Variants in KIF21A observed in about 807,000 individuals in gnomAD.
KIF21A encodes the protein kinesin family member 21A, also known as kinesin-like protein KIF21A.
Under a neutral mutation model 202.9 loss-of-function variants are expected in KIF21A, and 114 were observed. The observed-to-expected ratio is 0.56, with a 90% CI of 0.48 to 0.66. KIF21A has a LOEUF of 0.66. Ranked by LOEUF, KIF21A falls within the 30% of genes least tolerant of loss-of-function variation. The pLI, the probability that KIF21A is intolerant of heterozygous loss-of-function variation, is 0.00. For synonymous variants in KIF21A, 667 were observed against 670.8 expected, an observed-to-expected ratio of 0.99 and a Z score of 0.09; for missense variants, 1,677 against 1,994.9, an observed-to-expected ratio of 0.84 and a Z score of 3.04.
chr12:39,363,938 A>C (rs1949425540), intron 6 of KIF21A, among the ~76,000 whole-genome samples: 2 of 152,320 alleles, frequency 1.3e-5, no homozygotes, highest in South Asian at 4.1e-4. Flanking sequence ...GAATAGCTTG[A>C]ACCTGGGAGG....
intron 37 of KIF21A, among the ~76,000 whole-genome samples, chr12:39,299,806 A>G (rs1353995488): frequency 6.6e-6 from 1 of 152,172 alleles, no homozygotes; most frequent in East Asian, 1.9e-4. Context: ...TTGTGGGAAC[A>G]TGGATGGAGC....
At chr12:39,313,584 G>A (rs1592083275) in intron 31 of KIF21A, among the ~76,000 whole-genome samples, 2 of 151,808 alleles carry the variant, frequency 1.3e-5, no homozygotes, top group African/African-American at 4.8e-5. Flanking sequence ...CAAGGTCACT[G>A]CTGATCTGGA....
At chr12:39,421,715 T>A (rs866164927) in intron 1 of KIF21A, among the ~76,000 whole-genome samples, 222 of 123,200 alleles carry the variant, frequency 1.8e-3, no homozygotes, top group African/African-American at 6.4e-3. Flanking sequence ...TAAATAAATA[T>A]ATATAATTTA....
chr12:39,322,688 T>C lies in KIF21A; in HGVS notation c.3651A>G (p.Leu1217=), dbSNP rs750676600. 2 of 1,613,996 alleles carry C rather than the reference T, an allele frequency of 1.2e-6. No homozygotes were observed. The highest frequency in any genetic ancestry group is 1.3e-5 in the African/African-American group (1 of 74,996). Residue 1217 remains leucine, a synonymous_variant, in exon 27 of 38, where the codon TTA becomes TTG. Coordinates refer to ENST00000361418, the MANE Select transcript of KIF21A (RefSeq NM_001173464.2). ...REKELSPPPG[L]PSKIGSISRQ... is the part of the protein sequence containing the mutation. ...CTTACATGCTGCCTATCTTAGAAGG[T>C]AAGCCAGGTGGGGGAGAGAGCTCTT...
At chr12:39,316,631 G>A (rs967027458) in intron 29 of KIF21A, among the ~76,000 whole-genome samples, 3 of 152,038 alleles carry the variant, frequency 2.0e-5, no homozygotes, top group East Asian at 1.9e-4. Flanking sequence ...AAATCTATTC[G>A]ACTGTACAAC....
At chr12:39,431,593 TGA>T (rs975280658) in intron 1 of KIF21A, among the ~76,000 whole-genome samples, 22 of 152,328 alleles carry the variant, frequency 1.4e-4, no homozygotes, top group African/African-American at 4.8e-4. Flanking sequence ...CAGGAAAGGC[TGA>T]GTTTGTCCAC....
At chr12:39,309,853 C>A (rs1477436218) in intron 32 of KIF21A, 87 bp from the exon 33 acceptor site, 3 of 1,121,566 alleles carry the variant, frequency 2.7e-6, no homozygotes, top group African/African-American at 1.6e-5. Flanking sequence ...TAAATAATTT[C>A]TCTTCTATGG....
intron 26 of KIF21A, among the ~76,000 whole-genome samples, chr12:39,323,459 C>T (rs1945510309): frequency 6.6e-6 from 1 of 152,054 alleles, no homozygotes; most frequent in Non-Finnish European, 1.5e-5. Context: ...TTATTGTAAG[C>T]CTCTTCCCAT....
At chr12:39,385,022 T>C (rs1052556283) in intron 1 of KIF21A, among the ~76,000 whole-genome samples, 13 of 152,196 alleles carry the variant, frequency 8.5e-5, no homozygotes, top group African/African-American at 3.1e-4. Context: ...TGGTCTCATA[T>C]AATGTAATCA....
Position 39,294,448 on chromosome 12 carries a change from C to T in KIF21A, c.5001G>A (p.Leu1667=). The change falls in exon 38 of 38, where the codon CTG becomes CTA. Residue 1667 remains leucine (L), a synonymous_variant. Coordinates refer to ENST00000361418, the MANE Select transcript of KIF21A (RefSeq NM_001173464.2). ...QDGQISDTGD[L]GEDIASN ...TTTAATTACTGGCAATATCTTCCCC[C>T]AGATCTCCTGTGTCAGAGATCTGAC... 6.2e-7 allele frequency: 1 copy of T among 1,613,584 alleles called. No homozygotes were observed. Among genetic ancestry groups the T allele is most frequent in the South Asian group, 1.1e-5 (1 of 91,070 alleles).
intron 13 of KIF21A, among the ~76,000 whole-genome samples, chr12:39,341,824 T>G (rs1947466947): frequency 6.6e-6 from 1 of 152,154 alleles, no homozygotes; most frequent in Non-Finnish European, 1.5e-5. Flanking sequence ...TACCCCTGAC[T>G]CCCCAACACA....
rs113552537 is a variant in KIF21A, at chr12:39,411,196, T to C, written c.44+31731A>G. Among the ~76,000 whole-genome samples, 1,031 of 152,354 alleles carry C rather than the reference T, an allele frequency of 6.8e-3. 14 individuals are homozygous for C. The highest frequency in any genetic ancestry group is 0.024 in the African/African-American group (985 of 41,576). Reference sequence around the variant, plus strand: ...AACCACCTCTTATCCTAAAGTCTTATTTAATATTTTATGTGGGTAAACACT... The same window carrying C: ...AACCACCTCTTATCCTAAAGTCTTACTTAATATTTTATGTGGGTAAACACT... On this transcript the variant is annotated intron_variant, in intron 1 of 37. Transcript: ENST00000361418.
At chr12:39,326,601 C>G (rs1030459723) in intron 24 of KIF21A, among the ~76,000 whole-genome samples, 1 of 152,136 alleles carries the variant, frequency 6.6e-6, no homozygotes, top group Non-Finnish European at 1.5e-5. Flanking sequence ...GAGATGGGTA[C>G]ATATGAATAC....
chr12:39,321,652 T>A (rs1754661460), intron 27 of KIF21A: 2 of 152,228 alleles, frequency 1.3e-5, no homozygotes, highest in Admixed American at 6.5e-5. Flanking sequence ...GATGGGATAC[T>A]GAATGGAAAA....
chr12:39,362,110 CTT>C (rs1012598074), intron 7 of KIF21A, among the ~76,000 whole-genome samples: 12 of 152,294 alleles, frequency 7.9e-5, no homozygotes, highest in African/African-American at 2.9e-4. Flanking sequence ...CTCACTCCCT[CTT>C]TGCCTTTTGT....
chr12:39,402,220 A>G (rs1174606061), intron 1 of KIF21A, among the ~76,000 whole-genome samples: 1 of 152,206 alleles, frequency 6.6e-6, no homozygotes, highest in Non-Finnish European at 1.5e-5. Context: ...ATATCTTCTA[A>G]ACAGATAACA....
chr12:39,381,306 CAAAAAAA>C lies in KIF21A; in HGVS notation c.45-11052_45-11046del, dbSNP rs542073175. Among the ~76,000 whole-genome samples, 13 of 64,912 alleles carry C rather than the reference CAAAAAAA, an allele frequency of 2.0e-4. 1 individual carries two copies. Among genetic ancestry groups the C allele is most frequent in the African/African-American group, 6.1e-4 (12 of 19,652 alleles). The allele number at this position is 64,912 out of a possible 152,430, so 42.6% of individuals were successfully genotyped here. A position where few individuals can be genotyped will look rare whatever the true frequency, so the allele number is the denominator to read the frequency against. On this transcript the variant is annotated intron_variant, in intron 1 of 37. Coordinates refer to ENST00000361418, the MANE Select transcript of KIF21A (RefSeq NM_001173464.2). Reference sequence around the variant, plus strand: ...TGGGCAACTGAGCGAGACTCTGTCTCAAAAAAAAAAAAAAAAAAACTATTTCATTATG... The same window carrying C: ...TGGGCAACTGAGCGAGACTCTGTCTCAAAAAAAAAAAACTATTTCATTATG...
At chr12:39,301,428 A>T in intron 37 of KIF21A, 52 bp downstream of exon 37, 2 of 1,322,696 alleles carry the variant, frequency 1.5e-6, no homozygotes, top group Non-Finnish European at 2.2e-6. Context: ...CATATTTATT[A>T]AATCTGAACA....
chr12:39,314,423 C>A (rs1944317046), intron 31 of KIF21A, among the ~76,000 whole-genome samples: 1 of 151,676 alleles, frequency 6.6e-6, no homozygotes, highest in African/African-American at 2.4e-5. Flanking sequence ...TGAACTGAAG[C>A]CATCAAATTT....
Sources: gnomAD v4.1 joint callset for allele counts (sites outside exome capture counted in the v4.1 genomes callset) on GRCh38, gnomAD v4.1.1 for gene constraint, MANE v1.5 for transcripts, NCBI Gene and HGNC (gene_info 2026-07-23, HGNC 2026-07-21) for gene names.